Variants in LOXL2 observed in about 807,000 individuals in gnomAD.
LOXL2 encodes lysyl oxidase like 2.
LOXL2 carries 70 observed loss-of-function variants against 93.0 expected under a neutral mutation model. The observed-to-expected ratio is 0.75, with a 90% CI of 0.62 to 0.92. LOXL2 has a LOEUF of 0.92. LOXL2 is among the 40% of genes least tolerant of loss of function. The pLI, the probability that LOXL2 is intolerant of heterozygous loss-of-function variation, is 0.00. For missense variants in LOXL2, 973 were observed against 1,054.9 expected (o/e 0.92, Z 1.08); for synonymous variants, 438 against 413.2 (o/e 1.06, Z -0.73).
intron 1 of LOXL2, among the ~76,000 whole-genome samples, chr8:23,378,556 C>G (rs1027440525): frequency 6.6e-6 from 1 of 152,212 alleles, no homozygotes; most frequent in African/African-American, 2.4e-5. Context: ...GTTCCATTCT[C>G]CCCGTCACTT....
intron 10 of LOXL2, among the ~76,000 whole-genome samples, chr8:23,306,772 C>A (rs1211043267): frequency 6.6e-6 from 1 of 152,260 alleles, no homozygotes; most frequent in Admixed American, 6.5e-5. Flanking sequence ...GCCCCTTGGC[C>A]TGTGGAGCCT....
intron 10 of LOXL2, among the ~76,000 whole-genome samples, chr8:23,308,478 T>C (rs1803267877): frequency 6.6e-6 from 1 of 152,214 alleles, no homozygotes; most frequent in Admixed American, 6.5e-5. Flanking sequence ...GCCACGCCTG[T>C]AGCCCCTCGG....
chr8:23,392,433 A>T lies in LOXL2; in HGVS notation c.-84+11521T>A, dbSNP rs562580909. Among the ~76,000 whole-genome samples, 17 of 152,306 alleles carry T rather than the reference A, an allele frequency of 1.1e-4. 1 individual carries two copies. The East Asian group carries it at 2.5e-3, about 22-fold the overall frequency. ...TCATCCACAGGGTAGTGGCATATAG[A>T]GAGAGACCTGCAGGTCCTCGCTTTT... On this transcript the variant is annotated intron_variant, in intron 1 of 13. Transcript: ENST00000389131.
intron 6 of LOXL2, among the ~76,000 whole-genome samples, chr8:23,325,131 C>G (rs1401506942): frequency 1.3e-5 from 2 of 152,094 alleles, no homozygotes; most frequent in Admixed American, 6.5e-5. Flanking sequence ...GACTTAGCAC[C>G]AAATATGCAA....
At chr8:23,370,145 G>A (rs937633415) in intron 1 of LOXL2, among the ~76,000 whole-genome samples, 4 of 151,924 alleles carry the variant, frequency 2.6e-5, no homozygotes, top group South Asian at 4.2e-4. Flanking sequence ...TTCCCACGAC[G>A]GTGTCTCCCT....
intron 4 of LOXL2, among the ~76,000 whole-genome samples, chr8:23,340,692 G>A (rs1182812756): frequency 1.3e-5 from 2 of 152,212 alleles, no homozygotes; most frequent in African/African-American, 4.8e-5. Flanking sequence ...CTGAGCTGGG[G>A]TTCTCTGGGC....
At chr8:23,377,943 A>G (rs534223892) in intron 1 of LOXL2, among the ~76,000 whole-genome samples, 1 of 152,282 alleles carries the variant, frequency 6.6e-6, no homozygotes, top group South Asian at 2.1e-4. Flanking sequence ...ATTTACATTT[A>G]AGGTTAATAT....
At chr8:23,348,553 G>A (rs912042348) in intron 3 of LOXL2, among the ~76,000 whole-genome samples, 1 of 152,132 alleles carries the variant, frequency 6.6e-6, no homozygotes, top group Non-Finnish European at 1.5e-5. Flanking sequence ...GGGTGACAGA[G>A]CGAGATCTTC....
intron 3 of LOXL2, chr8:23,341,638 T>C (rs1241283436): frequency 9.0e-6 from 2 of 221,428 alleles, no homozygotes; most frequent in Non-Finnish European, 1.8e-5. Context: ...TGTGTCTGTG[T>C]GTGTCTCCCT....
chr8:23,346,357 A>AGACACAGAAACTCCAGGATGTGTG (rs1340753913), intron 3 of LOXL2, among the ~76,000 whole-genome samples: 1 of 152,104 alleles, frequency 6.6e-6, no homozygotes, highest in Non-Finnish European at 1.5e-5. Context: ...CCTCCAAGAA[A>AGACACAGAAACTCCAGGATGTGTG]GACACAGAAA....
At chr8:23,324,300 T>C (rs186016669) in intron 6 of LOXL2, among the ~76,000 whole-genome samples, 19 of 152,294 alleles carry the variant, frequency 1.2e-4, no homozygotes, top group Admixed American at 2.0e-4. Flanking sequence ...TAAACTTGCG[T>C]GGCTGTCTCA....
rs115373507 is a variant in LOXL2 at position 23,358,409 on chromosome 8, T to C, written c.531+1681A>G. ...TGAGCCATGACAGTAAAGGCCACAG[T>C]CTTGGGAGAACTTCCTCTGGAACCC... On this transcript the variant is annotated intron_variant, in intron 3 of 13. Transcript: ENST00000389131. Among the ~76,000 whole-genome samples, 703 of 152,322 alleles carry C rather than the reference T, an allele frequency of 4.6e-3. 10 individuals are homozygous for C. The highest frequency in any genetic ancestry group is 0.016 in the African/African-American group (648 of 41,574).
intron 9 of LOXL2, among the ~76,000 whole-genome samples, chr8:23,310,675 T>A (rs117588339): frequency 0.014 from 2,097 of 152,340 alleles, 29 homozygotes; most frequent in Non-Finnish European, 0.021. Context: ...GGAGAAAGCA[T>A]TGTCTGTTTT....
chr8:23,361,839 A>AAAAAC lies in LOXL2; in HGVS notation c.356-1579_356-1575dup, dbSNP rs559148835. Among the ~76,000 whole-genome samples, 252 of 147,110 alleles carry AAAAAC rather than the reference A, an allele frequency of 1.7e-3. 2 individuals are homozygous for AAAAAC. The highest frequency in any genetic ancestry group is 0.016 in the South Asian group (73 of 4,560). On this transcript the variant is annotated intron_variant, in intron 2 of 13. Transcript: ENST00000389131. Reference sequence around the variant, plus strand: ...TGGTGACAGAGCAAGACTCCGTCTCAAAAACAAAACAAAACAAAACAAAAC... The same window carrying AAAAAC: ...TGGTGACAGAGCAAGACTCCGTCTCAAAAACAAAACAAAACAAAACAAAACAAAAC...
At chr8:23,320,900 C>G (rs1423695064) in intron 7 of LOXL2, among the ~76,000 whole-genome samples, 1 of 151,720 alleles carries the variant, frequency 6.6e-6, no homozygotes, top group Non-Finnish European at 1.5e-5. Flanking sequence ...AGAGCAAGAC[C>G]GTCTCAAAAA....
chr8:23,303,580 G>T (rs1803177352), intron 10 of LOXL2, among the ~76,000 whole-genome samples, 183 bp from the exon 11 acceptor site: 1 of 152,156 alleles, frequency 6.6e-6, no homozygotes, highest in Non-Finnish European at 1.5e-5. Flanking sequence ...CAGCTTCAGG[G>T]CTCTGGAGTC....
intron 1 of LOXL2, among the ~76,000 whole-genome samples, chr8:23,372,569 A>G (rs1804513036): frequency 6.6e-6 from 1 of 152,174 alleles, no homozygotes; most frequent in Non-Finnish European, 1.5e-5. Context: ...ATGTAAAAGG[A>G]TGGAAACAGA....
intron 9 of LOXL2, among the ~76,000 whole-genome samples, chr8:23,314,895 C>T (rs1803370097): frequency 6.6e-6 from 1 of 151,994 alleles, no homozygotes. Context: ...TAGCCTGTGC[C>T]AGGCCCCTGC....
intron 5 of LOXL2, among the ~76,000 whole-genome samples, chr8:23,333,129 C>T (rs1162744949): frequency 1.3e-5 from 2 of 152,200 alleles, no homozygotes; most frequent in African/African-American, 4.8e-5. Flanking sequence ...TGCAGGGACA[C>T]AAGGTCCCTG....
Sources: gnomAD v4.1 joint callset for allele counts (sites outside exome capture counted in the v4.1 genomes callset) on GRCh38, gnomAD v4.1.1 for gene constraint, MANE v1.5 for transcripts, NCBI Gene and HGNC (gene_info 2026-07-23, HGNC 2026-07-21) for gene names.